The following HPS3 variants were observed in gnomAD, a reference collection of about 807,000 sequenced individuals.
HPS3 encodes the protein BLOC-2 complex member HPS3.
In HPS3, 79 loss-of-function variants were observed where a neutral mutation model predicts 110.9. That is an observed-to-expected ratio of 0.71 (90% confidence interval 0.59 to 0.86). The LOEUF (loss-of-function observed/expected upper bound fraction) is 0.86, where lower values mean the gene tolerates loss of function less well. Ranked by LOEUF, HPS3 falls within the 40% of genes least tolerant of loss-of-function variation. The pLI is 0.00. For synonymous variants in HPS3, 428 were observed against 451.0 expected (o/e 0.95, Z 0.65); for missense variants, 1,197 against 1,206.2 (o/e 0.99, Z 0.11).
chr3:149,159,192 T>C (rs1043477130), intron 10 of HPS3, among the ~76,000 whole-genome samples: 4 of 152,158 alleles, frequency 2.6e-5, no homozygotes, highest in African/African-American at 9.7e-5. Context: ...CAACCCTAAT[T>C]GTCCCTTACT....
At chr3:149,169,568 G>A (rs544510617) in intron 16 of HPS3, among the ~76,000 whole-genome samples, 1 of 152,260 alleles carries the variant, frequency 6.6e-6, no homozygotes, top group African/African-American at 2.4e-5. Flanking sequence ...TGCATTTTAG[G>A]ATATTAAACA....
Position 149,172,218 on chromosome 3 carries a change from C to T in HPS3, c.3011C>T (p.Thr1004Ile). The stretch of plus-strand genomic sequence containing the variant: ...TATTGCAGTCGAAAGAAACCATTGA[C>T]TTAAAGGTATCATTTGAAAAATACC... ...LLYCSRKKPLT is the reference protein window; with the variant it reads ...LLYCSRKKPLI The change falls in exon 17 of 17, where the codon ACT (threonine) becomes ATT (isoleucine). Residue 1004 changes from threonine (T) to isoleucine (I), a missense_variant. Physicochemically the swap from Thr to Ile is moderately conservative, Grantham distance 89 (BLOSUM62 -1). Coordinates refer to ENST00000296051, the MANE Select transcript of HPS3 (RefSeq NM_032383.5). The T allele has an allele frequency of 6.2e-7, 1 of 1,612,380 alleles. No homozygotes were observed. Among genetic ancestry groups the T allele is most frequent in the Non-Finnish European group, 8.5e-7 (1 of 1,179,026 alleles).
In HPS3 at chr3:149,141,168, C is replaced by T. The variant is rs146928432; in HGVS notation, c.864C>T (p.His288=). The T allele has an allele frequency of 1.9e-6, 3 of 1,609,732 alleles. No homozygotes were observed. Among genetic ancestry groups the T allele is most frequent in the African/African-American group, 2.7e-5 (2 of 73,810 alleles). ...GLADEKRKYS[H]FQHLLYRRFA... ...CTGATGAAAAAAGAAAATATTCCCA[C>T]TTTCAGCACCTGCTCTATAGGTATT... The change falls in exon 3 of 17, where the codon CAC becomes CAT. Residue 288 remains histidine, a synonymous_variant. Transcript: ENST00000296051.
intron 5 of HPS3, among the ~76,000 whole-genome samples, chr3:149,148,398 A>ATTTT (rs1212658440): frequency 1.9e-5 from 2 of 106,778 alleles, no homozygotes; most frequent in Non-Finnish European, 3.8e-5. Flanking sequence ...GCATATCAAG[A>ATTTT]CTTTTTTTTT....
chr3:149,131,673 G>A (rs1009597470), intron 1 of HPS3, among the ~76,000 whole-genome samples: 9 of 152,150 alleles, frequency 5.9e-5, no homozygotes, highest in South Asian at 2.1e-4. Context: ...ACCCTACAAT[G>A]TCTTCTAAAT....
chr3:149,166,692 T>C (rs1002100557), intron 14 of HPS3, among the ~76,000 whole-genome samples: 6 of 152,214 alleles, frequency 3.9e-5, no homozygotes, highest in African/African-American at 1.4e-4. Context: ...GCGGTGAACA[T>C]CATTGGACGT....
At chr3:149,162,054 T>G in intron 11 of HPS3, 94 bp from the exon 12 acceptor site, 1 of 973,748 alleles carries the variant, frequency 1.0e-6, no homozygotes, top group South Asian at 1.4e-5. Flanking sequence ...AGCTTAACCA[T>G]GCATTGTGAA....
intron 11 of HPS3, 62 bp downstream of exon 11, chr3:149,160,341 T>G (rs1346597180): frequency 1.9e-6 from 2 of 1,079,014 alleles, no homozygotes; most frequent in Non-Finnish European, 2.9e-6. Context: ...CCTGAAGTGT[T>G]TAGCTGTCTT....
At chr3:149,167,625 G>A (rs1221869230) in intron 15 of HPS3, among the ~76,000 whole-genome samples, 7 of 152,068 alleles carry the variant, frequency 4.6e-5, no homozygotes, top group African/African-American at 9.6e-5. Context: ...AGATGATAAC[G>A]GGATATGTCT....
intron 4 of HPS3, among the ~76,000 whole-genome samples, chr3:149,141,890 G>A (rs1215854296): frequency 6.8e-6 from 1 of 146,148 alleles, no homozygotes; most frequent in African/African-American, 2.5e-5. Flanking sequence ...TGCTCTTGTT[G>A]TCCAGGCTGG....
intron 10 of HPS3, among the ~76,000 whole-genome samples, chr3:149,159,096 C>G (rs965730042): frequency 6.6e-6 from 1 of 152,188 alleles, no homozygotes; most frequent in African/African-American, 2.4e-5. Flanking sequence ...AGTCTCAACA[C>G]CTGCCCAGTG....
intron 16 of HPS3, among the ~76,000 whole-genome samples, chr3:149,169,746 T>G (rs1057082464): frequency 6.6e-6 from 1 of 152,228 alleles, no homozygotes; most frequent in African/African-American, 2.4e-5. Context: ...GGGTTGGTTG[T>G]TTTAGGGAAA....
At chr3:149,131,619 C>T (rs1214687874) in intron 1 of HPS3, among the ~76,000 whole-genome samples, 2 of 152,156 alleles carry the variant, frequency 1.3e-5, no homozygotes, top group African/African-American at 4.8e-5. Context: ...TCAGGCTGCC[C>T]TAGGCCCTGA....
intron 2 of HPS3, 90 bp from the exon 3 acceptor site, chr3:149,140,927 A>G: frequency 8.3e-7 from 1 of 1,203,470 alleles, no homozygotes; most frequent in Non-Finnish European, 1.2e-6. Flanking sequence ...TATTATAAAT[A>G]AATGAAATTA....
At chr3:149,154,968 TAG>T (rs1723351061) in intron 7 of HPS3, 137 bp from the exon 8 acceptor site, 2 of 644,650 alleles carry the variant, frequency 3.1e-6, no homozygotes, top group East Asian at 5.5e-5. Context: ...TCCATAGAAA[TAG>T]AGTGTACAGT....
rs868194242 is a variant in HPS3 at position 149,162,281 on chromosome 3, G to A, written c.2240G>A (p.Gly747Asp). 5 of 1,613,830 alleles carry A rather than the reference G, an allele frequency of 3.1e-6. No homozygotes were observed. The highest frequency in any genetic ancestry group is 3.3e-5 in the Admixed American group (2 of 59,952). Reference sequence around the variant, plus strand: ...GGATTGCTTGTGGCTTCAGTTCTGGGCTTGCAGAAGAACAACAAAATTGGA... The same window carrying A: ...GGATTGCTTGTGGCTTCAGTTCTGGACTTGCAGAAGAACAACAAAATTGGA... ...QPGLLVASVL[G>D]LQKNNKIGIE... is the part of the protein sequence containing the mutation. Residue 747 changes from glycine to aspartate, a missense_variant, in exon 12 of 17, where the codon GGC becomes GAC. Physicochemically the swap from Gly to Asp is moderately conservative, Grantham distance 94. Transcript: ENST00000296051.
chr3:149,139,533 G>A (rs1722304359), intron 1 of HPS3, among the ~76,000 whole-genome samples: 1 of 152,198 alleles, frequency 6.6e-6, no homozygotes, highest in Non-Finnish European at 1.5e-5. Flanking sequence ...ACTTGGATCT[G>A]TATTTTCTTT....
At chr3:149,167,860 A>T (rs1393842490) in intron 15 of HPS3, 33 bp from the exon 16 acceptor site, 1 of 1,301,542 alleles carries the variant, frequency 7.7e-7, no homozygotes, top group East Asian at 2.3e-5. Flanking sequence ...AAAATGCATC[A>T]AACTAAAATT....
intron 5 of HPS3, among the ~76,000 whole-genome samples, chr3:149,150,068 C>A (rs1423652483): frequency 6.6e-6 from 1 of 152,156 alleles, no homozygotes; most frequent in Admixed American, 6.5e-5. Context: ...TCTGAAGATG[C>A]CTTCAGATGG....
Sources: gnomAD v4.1 joint callset for allele counts (sites outside exome capture counted in the v4.1 genomes callset) on GRCh38, gnomAD v4.1.1 for gene constraint, MANE v1.5 for transcripts, NCBI Gene and HGNC (gene_info 2026-07-23, HGNC 2026-07-21) for gene names.